The following DIDO1 variants were observed in gnomAD, a reference collection of about 807,000 sequenced individuals.
The protein encoded by DIDO1 is death-inducer obliterator 1.
DIDO1 carries 16 observed loss-of-function variants against 99.4 expected under a neutral mutation model. That is an observed-to-expected ratio of 0.16 (90% CI 0.11 to 0.24). The LOEUF is 0.24. DIDO1 is among the 10% of genes least tolerant of loss of function. The pLI is 1.00. For synonymous variants in DIDO1, 1,366 were observed against 1,239.1 expected, an observed-to-expected ratio of 1.10 and a Z score of -2.15; for missense variants, 2,996 against 3,014.0, an observed-to-expected ratio of 0.99 and a Z score of 0.14.
chr20:62,886,003 G>A (rs545654553), intron 15 of DIDO1, among the ~76,000 whole-genome samples: 7 of 152,354 alleles, frequency 4.6e-5, no homozygotes, highest in African/African-American at 1.4e-4. Flanking sequence ...CAGCTGCCCC[G>A]TGGTGTGTGA....
intron 15 of DIDO1, chr20:62,888,017 G>A (rs2064324655): frequency 1.0e-6 from 1 of 985,504 alleles, no homozygotes; most frequent in Non-Finnish European, 1.2e-6. Context: ...GCTGTGAACT[G>A]CATGGCTCCT....
At chr20:62,883,407 T>C (rs1042112583) in intron 15 of DIDO1, among the ~76,000 whole-genome samples, 1 of 152,150 alleles carries the variant, frequency 6.6e-6, no homozygotes, top group Non-Finnish European at 1.5e-5. Context: ...AAATAAATGC[T>C]TTGGACTGGG....
chr20:62,886,612 T>C (rs2064301328), intron 15 of DIDO1, among the ~76,000 whole-genome samples: 1 of 152,092 alleles, frequency 6.6e-6, no homozygotes, highest in Non-Finnish European at 1.5e-5. Context: ...GTACTGAACC[T>C]GAGGCTGCAG....
Position 62,892,960 on chromosome 20 carries a change from G to A in DIDO1, c.3104C>T (p.Thr1035Ile). The change falls in exon 13 of 16, where the codon ACT becomes ATT. Residue 1035 changes from threonine to isoleucine, a missense_variant and splice_region_variant. By Grantham distance (89) the Thr-to-Ile change is moderately conservative. Coordinates refer to ENST00000395343, the MANE Select transcript of DIDO1 (RefSeq NM_001193369.2). ...CTCTGGAGGGGAACGTGATTCTGAA[G>A]TGCTGTAAAACAAAACCATAAAAAA... ...LSVPPSPNISTSESRSPPEGD... is the reference protein window; with the variant it reads ...LSVPPSPNISISESRSPPEGD... 2.5e-6 allele frequency: 4 copies of A among 1,610,288 alleles called. No individual in the cohort carries two copies. Among genetic ancestry groups the A allele is most frequent in the Non-Finnish European group, 3.4e-6 (4 of 1,177,674 alleles).
Position 62,881,186 on chromosome 20 carries a change from C to G in DIDO1, c.4770G>C (p.Leu1590=). The G allele has an allele frequency of 6.2e-7, 1 of 1,607,994 alleles. No homozygotes were observed. The highest frequency in any genetic ancestry group is 8.5e-7 in the Non-Finnish European group (1 of 1,179,354). The change falls in exon 16 of 16, where the codon CTG becomes CTC. Residue 1590 remains leucine (L), a synonymous_variant. Coordinates refer to ENST00000395343, the MANE Select transcript of DIDO1 (RefSeq NM_001193369.2). This position sits in a 1 kb window ranked among gnomAD's most constrained non-coding sequence, Gnocchi z 8.3. ...CACCCCTGGAAGCATCTCTCTCGGG[C>G]AGGGCACCCTGGGCACCACGTGCCG... ...RLSARGAQGA[L]PERDASRGGL... is the part of the protein sequence containing the mutation.
chr20:62,881,385 G>C lies in DIDO1; in HGVS notation c.4571C>G (p.Pro1524Arg), dbSNP rs2064202787. The change falls in exon 16 of 16, where the codon CCA becomes CGA. Residue 1524 changes from proline to arginine, a missense_variant. Physicochemically the swap from Pro to Arg is moderately radical, Grantham distance 103. Transcript: ENST00000395343. This position sits in a 1 kb window ranked among gnomAD's most constrained non-coding sequence, Gnocchi z 8.3. The stretch of plus-strand genomic sequence containing the variant: ...TGCCTTGGGCAAGGACGACTTTGGT[G>C]GTGGAGACATCAAGGCGTCCGACAC... ...FSVSDALMSP[P>R]PKSSLPKAEL... 6.2e-7 allele frequency: 1 copy of C among 1,607,114 alleles called. No homozygotes were observed. Among genetic ancestry groups the C allele is most frequent in the Non-Finnish European group, 8.5e-7 (1 of 1,179,916 alleles).
chr20:62,904,355 G>A (rs546657140), intron 6 of DIDO1, among the ~76,000 whole-genome samples: 7 of 152,280 alleles, frequency 4.6e-5, no homozygotes, highest in South Asian at 2.1e-4. Context: ...GTAAGGTATC[G>A]AGATTCATTA....
In DIDO1 at chr20:62,894,798, C is replaced by T. The variant is rs372698438; in HGVS notation, c.2436+12G>A. 174 of 1,605,218 alleles carry T rather than the reference C, an allele frequency of 1.1e-4. No homozygotes were observed. The highest frequency in any genetic ancestry group is 1.4e-4 in the Non-Finnish European group (168 of 1,177,454). On this transcript the variant is annotated intron_variant, in intron 10 of 15. Transcript: ENST00000395343. The surrounding 1 kb of genome is among the most constrained non-coding windows in gnomAD (Gnocchi z 4.4). ...CTATTCTCGGTGAACACAAAATCTC[C>T]CAAATGCTTACCTCTGAATCCGACA...
At position 62,879,173 on chromosome 20, in the gene DIDO1, A is replaced by T; in HGVS notation, c.*60T>A. 7.2e-7 allele frequency: 1 copy of T among 1,387,018 alleles called. No homozygotes were observed. Among genetic ancestry groups the T allele is most frequent in the Non-Finnish European group, 9.4e-7 (1 of 1,063,738 alleles). The allele number at this position is 1,387,018 out of a possible 1,614,324, so 85.9% of individuals were successfully genotyped here. ...TAAGATCGTGGCTATTTCAAAAGCT[A>T]TTTGTTCAACGCATCTTACGAACGT... On this transcript the variant is annotated 3_prime_UTR_variant, in exon 16 of 16. Transcript: ENST00000395343. The surrounding 1 kb of genome is among the most constrained non-coding windows in gnomAD (Gnocchi z 6.3).
chr20:62,890,363 G>T (rs2064372675), intron 15 of DIDO1: 1 of 986,560 alleles, frequency 1.0e-6, no homozygotes, highest in Non-Finnish European at 1.2e-6. Context: ...CCTTGACAAA[G>T]ATGTATTTTA....
Position 62,907,269 on chromosome 20 carries a change from TAC to T in DIDO1, c.1250_1251del (p.Cys417TyrfsTer16). On this transcript the variant is annotated frameshift_variant, in exon 5 of 16. Coordinates refer to ENST00000395343, the MANE Select transcript of DIDO1 (RefSeq NM_001193369.2). LOFTEE classifies it high-confidence loss of function. ...QPDSVYCSND[C>X]ILKHAAATMK... Reference sequence around the variant, plus strand: ...ATTGTCGCTGCGGCGTGTTTGAGGATACAGTCATTACTGCAGTACACCGAGTC... The same window carrying T: ...ATTGTCGCTGCGGCGTGTTTGAGGATAGTCATTACTGCAGTACACCGAGTC... The T allele has an allele frequency of 6.2e-7, 1 of 1,614,216 alleles. No homozygotes were observed.
chr20:62,929,692 A>AAAAAAAAAATATATATATATATAT, upstream of DIDO1, among the ~76,000 whole-genome samples: 13 of 63,710 alleles, frequency 2.0e-4, no homozygotes, highest in African/African-American at 9.1e-4. Context: ...AAAAAGAAAA[A>AAAAAAAAAATATATATATATATAT]GTGTATATAT....
Position 62,880,365 on chromosome 20 carries a change from G to T in DIDO1, c.5591C>A (p.Thr1864Lys). 2 of 1,612,856 alleles carry T rather than the reference G, an allele frequency of 1.2e-6. No homozygotes were observed. The highest frequency in any genetic ancestry group is 1.7e-6 in the Non-Finnish European group (2 of 1,180,020). ...EFQDAPYNEV[T>K]GAPAQFEGTE... ...CCCTTCAAACTGGGCGGGGGCGCCC[G>T]TCACCTCGTTATACGGGGCGTCCTG... The change falls in exon 16 of 16, where the codon ACG becomes AAG. Residue 1864 changes from threonine (T) to lysine (K), a missense_variant. This residue lies in a region of DIDO1 where 1,562 missense variants were observed against 1,412.6 expected (regional missense o/e 1.11). Coordinates refer to ENST00000395343, the MANE Select transcript of DIDO1 (RefSeq NM_001193369.2).
chr20:62,880,258 G>T lies in DIDO1; in HGVS notation c.5698C>A (p.Leu1900Met). 1 of 1,612,672 alleles carries T rather than the reference G, an allele frequency of 6.2e-7. No individual in the cohort carries two copies. Among genetic ancestry groups the T allele is most frequent in the Non-Finnish European group, 8.5e-7 (1 of 1,179,932 alleles). The change falls in exon 16 of 16, where the codon CTG becomes ATG. Residue 1900 changes from leucine (L) to methionine (M), a missense_variant. This residue lies in a region of DIDO1 where 1,562 missense variants were observed against 1,412.6 expected (regional missense o/e 1.11). Transcript: ENST00000395343. ...GGQRRPLLSQ[L>M]KGPRGGPPPS... ...GGGGGGCCGCCTCGGGGGCCTTTCAGCTGAGACAGCAGTGGCCTTCTCTGG... is the reference window on the plus strand; with the variant it reads ...GGGGGGCCGCCTCGGGGGCCTTTCATCTGAGACAGCAGTGGCCTTCTCTGG...
At chr20:62,886,044 G>C (rs561384370) in intron 15 of DIDO1, among the ~76,000 whole-genome samples, 1 of 152,374 alleles carries the variant, frequency 6.6e-6, no homozygotes, top group South Asian at 2.1e-4. Context: ...CCGGGAAGGT[G>C]CAGAGACTGA....
At chr20:62,908,491 C>T (rs537010686) in intron 4 of DIDO1, among the ~76,000 whole-genome samples, 1 of 152,186 alleles carries the variant, frequency 6.6e-6, no homozygotes, top group Non-Finnish European at 1.5e-5. Context: ...AGGAAACTCA[C>T]GCACCACAAA....
At chr20:62,889,791 C>G (rs2064361522) in intron 15 of DIDO1, 1 of 985,430 alleles carries the variant, frequency 1.0e-6, no homozygotes, top group Non-Finnish European at 1.2e-6. Context: ...AAGCACTTTG[C>G]TTTTAAAAAT....
chr20:62,892,487 G>A (rs2064419394), intron 13 of DIDO1, among the ~76,000 whole-genome samples: 1 of 152,210 alleles, frequency 6.6e-6, no homozygotes, highest in Non-Finnish European at 1.5e-5. Flanking sequence ...TGTGTGTAAA[G>A]CAGGCTCCGA....
chr20:62,923,092 C>T (rs2065187093), intron 1 of DIDO1, among the ~76,000 whole-genome samples: 1 of 152,216 alleles, frequency 6.6e-6, no homozygotes, highest in African/African-American at 2.4e-5. Context: ...GCCTGGAACT[C>T]CTGGCTTCAA....
Sources: allele counts gnomAD v4.1 joint callset (sites outside exome capture counted in the v4.1 genomes callset), GRCh38; gene constraint gnomAD v4.1.1; regional missense constraint gnomAD v4.1.1; non-coding constraint Gnocchi (gnomAD v3.1); transcripts MANE v1.5; gene names NCBI Gene and HGNC (gene_info 2026-07-23, HGNC 2026-07-21).